The following DACH2 variants were observed in gnomAD, a reference collection of about 807,000 sequenced individuals.
The protein encoded by DACH2 is dachshund family transcription factor 2.
DACH2 carries 17 observed loss-of-function variants against 35.8 expected under a neutral mutation model. That is an observed-to-expected ratio of 0.48 (90% confidence interval 0.33 to 0.71). The LOEUF (loss-of-function observed/expected upper bound fraction) is 0.71. Ranked by LOEUF, DACH2 falls within the 30% of genes least tolerant of loss-of-function variation. The probability of loss-of-function intolerance (pLI) is 0.02; values close to 1 mark genes in which losing one functional copy is unlikely to be tolerated. For synonymous variants in DACH2, 195 were observed against 177.3 expected (o/e 1.10, Z -0.79); for missense variants, 469 against 472.7 (o/e 0.99, Z 0.07).
intron 1 of DACH2, among the ~76,000 whole-genome samples, chrX:86,316,993 C>T (rs1308099410): frequency 9.2e-6 from 1 of 108,907 alleles, no homozygotes; most frequent in South Asian, 4.1e-4. Context: ...TGGTGGGTGC[C>T]TGTAATCCCA....
chrX:86,252,182 A>G (rs928624065), intron 1 of DACH2, among the ~76,000 whole-genome samples: 7 of 108,915 alleles, frequency 6.4e-5, no homozygotes, highest in Admixed American at 9.9e-5. Context: ...CCTCTTTTTG[A>G]TGTGATTGAT....
intron 2 of DACH2, among the ~76,000 whole-genome samples, chrX:86,415,044 A>C (rs1173800349): frequency 1.8e-5 from 2 of 111,859 alleles, no homozygotes; most frequent in African/African-American, 6.5e-5. Flanking sequence ...GTCACAGTAC[A>C]TGTGAATGTT....
intron 1 of DACH2, among the ~76,000 whole-genome samples, chrX:86,201,619 A>G (rs1300119183): frequency 9.0e-6 from 1 of 111,338 alleles, no homozygotes; most frequent in Non-Finnish European, 1.9e-5. Flanking sequence ...TAAATATTTA[A>G]CAAAAAAAGT....
chrX:86,403,981 G>GT (rs1248338222), intron 2 of DACH2, among the ~76,000 whole-genome samples: 1,419 of 102,671 alleles, frequency 0.014, 20 homozygotes, highest in African/African-American at 0.04. Flanking sequence ...TGGGGGCAAA[G>GT]TTTTTTTTTT....
chrX:86,478,249 C>A (rs1419247941), intron 2 of DACH2, among the ~76,000 whole-genome samples: 1 of 111,812 alleles, frequency 8.9e-6, no homozygotes, highest in Non-Finnish European at 1.9e-5. Flanking sequence ...GCTTTTCTTT[C>A]TGATGAAAGT....
chrX:86,397,227 T>C (rs1431798178), intron 2 of DACH2, among the ~76,000 whole-genome samples: 1 of 111,705 alleles, frequency 9.0e-6, no homozygotes, highest in Non-Finnish European at 1.9e-5. Flanking sequence ...TAGTGATTTT[T>C]GCACATTGAT....
chrX:86,319,727 T>G lies in DACH2; in HGVS notation c.489-57097T>G, dbSNP rs1351543957. 1.2e-4 allele frequency among the ~76,000 whole-genome samples: 13 copies of G among 112,432 alleles called. 1 individual carries two copies. The Admixed American group carries it at 1.2e-3, about 11-fold the overall frequency. ...CTGTTTTTATTTTTAAAGATTAAAGTTCCGTGAACTGAAAGGTACCACAGC... is the reference window on the plus strand; with the variant it reads ...CTGTTTTTATTTTTAAAGATTAAAGGTCCGTGAACTGAAAGGTACCACAGC... On this transcript the variant is annotated intron_variant, in intron 1 of 11. Coordinates refer to ENST00000373125, the MANE Select transcript of DACH2 (RefSeq NM_053281.3).
chrX:86,465,326 C>T (rs1239343803), intron 2 of DACH2, among the ~76,000 whole-genome samples: 3 of 111,955 alleles, frequency 2.7e-5, no homozygotes, highest in Non-Finnish European at 5.6e-5. Context: ...TTTCCAGCAG[C>T]TTATCATTGA....
chrX:86,642,594 G>A (rs776156036), intron 3 of DACH2, among the ~76,000 whole-genome samples: 1 of 111,683 alleles, frequency 9.0e-6, no homozygotes, highest in South Asian at 3.8e-4. Flanking sequence ...ACTCAGCATT[G>A]GACCAAATGG....
intron 2 of DACH2, among the ~76,000 whole-genome samples, chrX:86,490,408 G>T (rs1432583307): frequency 9.0e-6 from 1 of 111,482 alleles, no homozygotes; most frequent in Non-Finnish European, 1.9e-5. Context: ...GGAGGCAGTT[G>T]TGGATCTTAG....
At chrX:86,816,148 CT>C in intron 11 of DACH2, 49 bp downstream of exon 11, 1 of 913,876 alleles carries the variant, frequency 1.1e-6, no homozygotes, top group Non-Finnish European at 1.5e-6. Context: ...TATGTGACCC[CT>C]GGGGATGAGG....
chrX:86,596,540 TTGTC>T (rs1025167130), intron 3 of DACH2, among the ~76,000 whole-genome samples: 1 of 111,584 alleles, frequency 9.0e-6, no homozygotes, highest in African/African-American at 3.2e-5. Flanking sequence ...TTCAAATCCT[TTGTC>T]TATTACTTAA....
intron 1 of DACH2, among the ~76,000 whole-genome samples, chrX:86,158,205 T>C (rs982534276): frequency 8.9e-6 from 1 of 111,749 alleles, no homozygotes; most frequent in Non-Finnish European, 1.9e-5. Context: ...ATGGTTCCCC[T>C]TTTGGGTTCA....
intron 3 of DACH2, among the ~76,000 whole-genome samples, chrX:86,599,871 A>G (rs1222640481): frequency 9.0e-6 from 1 of 110,818 alleles, no homozygotes; most frequent in African/African-American, 3.3e-5. Flanking sequence ...TGGGGCAAGG[A>G]TGATATGGGC....
At chrX:86,814,648 T>C in intron 9 of DACH2, 40 bp from the exon 10 acceptor site, 1 of 1,189,458 alleles carries the variant, frequency 8.4e-7, no homozygotes, top group Non-Finnish European at 1.1e-6. Context: ...CATCCCTATT[T>C]CATTGCTCAA....
At chrX:86,332,695 C>G (rs1569352817) in intron 1 of DACH2, among the ~76,000 whole-genome samples, 2 of 111,197 alleles carry the variant, frequency 1.8e-5, no homozygotes, top group Non-Finnish European at 3.8e-5. Flanking sequence ...AAAATTATAC[C>G]AAATTGAATA....
intron 6 of DACH2, among the ~76,000 whole-genome samples, chrX:86,718,742 C>G (rs764787502): frequency 1.8e-5 from 2 of 111,571 alleles, no homozygotes; most frequent in African/African-American, 6.5e-5. Flanking sequence ...GGTGTCATTT[C>G]CCCAGTATAT....
intron 4 of DACH2, among the ~76,000 whole-genome samples, chrX:86,659,770 A>G (rs2040585398): frequency 8.9e-6 from 1 of 112,043 alleles, no homozygotes; most frequent in African/African-American, 3.2e-5. Flanking sequence ...TGCCTTGGTT[A>G]CAATGAACGA....
intron 1 of DACH2, among the ~76,000 whole-genome samples, chrX:86,197,067 C>T (rs2032010675): frequency 8.9e-6 from 1 of 112,035 alleles, no homozygotes; most frequent in Non-Finnish European, 1.9e-5. Context: ...GACCTCTCAG[C>T]TGAAAACCGA....
Sources: gnomAD v4.1 joint callset for allele counts (sites outside exome capture counted in the v4.1 genomes callset) on GRCh38, gnomAD v4.1.1 for gene constraint, MANE v1.5 for transcripts, NCBI Gene and HGNC (gene_info 2026-07-23, HGNC 2026-07-21) for gene names.